Variants in CSMD1 observed in about 807,000 individuals in gnomAD.
The protein encoded by CSMD1 is CUB and Sushi multiple domains 1, also known as CUB and sushi domain-containing protein 1.
CSMD1 carries 213 observed loss-of-function variants against 417.5 expected under a neutral mutation model. The observed-to-expected ratio is 0.51, with a 90% CI of 0.46 to 0.57. CSMD1 has a LOEUF of 0.57. Among genes scored for constraint, CSMD1 ranks in the 20% least tolerant of loss-of-function variants. The pLI is 0.00. For synonymous variants in CSMD1, 2,862 were observed against 1,736.8 expected (o/e 1.65, Z -16.11); for missense variants, 6,923 against 4,529.7 (o/e 1.53, Z -15.17).
intron 3 of CSMD1, among the ~76,000 whole-genome samples, chr8:4,332,588 C>G (rs1352798053): frequency 7.3e-6 from 1 of 136,766 alleles, no homozygotes; most frequent in African/African-American, 2.9e-5. Flanking sequence ...CACACACACA[C>G]ACACACACAC....
chr8:4,056,968 C>G (rs576916601), intron 3 of CSMD1, among the ~76,000 whole-genome samples: 10 of 152,260 alleles, frequency 6.6e-5, no homozygotes, highest in Non-Finnish European at 1.2e-4. Flanking sequence ...CAAGTCTTTG[C>G]TATTGTGAAT....
At chr8:4,903,891 T>C (rs1163103024) in intron 1 of CSMD1, among the ~76,000 whole-genome samples, 2 of 152,244 alleles carry the variant, frequency 1.3e-5, no homozygotes, top group African/African-American at 4.8e-5. Flanking sequence ...TCAACGCCGA[T>C]AATGCATTTA....
At chr8:4,439,851 G>A (rs571650567) in intron 2 of CSMD1, among the ~76,000 whole-genome samples, 4 of 152,114 alleles carry the variant, frequency 2.6e-5, no homozygotes, top group Admixed American at 1.3e-4. Context: ...AGGCAGCTTC[G>A]AAAGATAGGA....
At chr8:4,954,110 C>A (rs897373143) in intron 1 of CSMD1, among the ~76,000 whole-genome samples, 1 of 152,118 alleles carries the variant, frequency 6.6e-6, no homozygotes, top group Non-Finnish European at 1.5e-5. Context: ...AATTTAAACA[C>A]ATTATTTTAT....
intron 4 of CSMD1, among the ~76,000 whole-genome samples, chr8:4,004,597 C>A (rs1225174978): frequency 6.6e-6 from 1 of 150,982 alleles, no homozygotes; most frequent in Non-Finnish European, 1.5e-5. Flanking sequence ...TGGGATTTTC[C>A]TTCTTTCCTT....
intron 8 of CSMD1, among the ~76,000 whole-genome samples, chr8:3,611,166 G>T (rs1427771458): frequency 6.6e-6 from 1 of 151,410 alleles, no homozygotes; most frequent in Non-Finnish European, 1.5e-5. Context: ...ACACCAGCAT[G>T]GCACATGTAT....
At chr8:4,915,396 T>C (rs1430290023) in intron 1 of CSMD1, among the ~76,000 whole-genome samples, 2 of 152,226 alleles carry the variant, frequency 1.3e-5, no homozygotes, top group East Asian at 1.9e-4. Context: ...ATCCGTATTT[T>C]AGATAAGAAA....
chr8:3,448,700 A>G (rs957756736), intron 12 of CSMD1, among the ~76,000 whole-genome samples: 1 of 152,152 alleles, frequency 6.6e-6, no homozygotes, highest in Admixed American at 6.5e-5. Flanking sequence ...GAACTGCAGC[A>G]TCGAGAGTCC....
At chr8:4,941,487 C>A (rs1807996841) in intron 1 of CSMD1, among the ~76,000 whole-genome samples, 1 of 152,104 alleles carries the variant, frequency 6.6e-6, no homozygotes, top group South Asian at 2.1e-4. Flanking sequence ...AAGAATTGAT[C>A]TTCAGAATCA....
chr8:4,197,429 G>C (rs1359256529), intron 3 of CSMD1, among the ~76,000 whole-genome samples: 1 of 152,162 alleles, frequency 6.6e-6, no homozygotes, highest in Non-Finnish European at 1.5e-5. Flanking sequence ...GAGTAAAGCA[G>C]ATTTCCTTCT....
At chr8:3,998,879 T>C (rs761718674) in intron 4 of CSMD1, among the ~76,000 whole-genome samples, 59 of 149,730 alleles carry the variant, frequency 3.9e-4, no homozygotes, top group Non-Finnish European at 6.5e-4. Context: ...AGTTGATATA[T>C]ATAACATATA....
chr8:4,772,276 C>T (rs1057000021), intron 1 of CSMD1, among the ~76,000 whole-genome samples: 3 of 152,200 alleles, frequency 2.0e-5, no homozygotes, highest in Admixed American at 1.3e-4. Context: ...CAACAGTGAA[C>T]CAGTCCTTTA....
chr8:4,460,381 G>T (rs1193879574), intron 2 of CSMD1, among the ~76,000 whole-genome samples: 1 of 151,932 alleles, frequency 6.6e-6, no homozygotes, highest in Non-Finnish European at 1.5e-5. Flanking sequence ...TATTTAAAAA[G>T]AAAAAATCTT....
At chr8:4,276,425 G>A (rs185362106) in intron 3 of CSMD1, among the ~76,000 whole-genome samples, 4 of 152,238 alleles carry the variant, frequency 2.6e-5, no homozygotes, top group African/African-American at 7.2e-5. Context: ...GTTGAACAAT[G>A]AGGACTCATG....
intron 7 of CSMD1, among the ~76,000 whole-genome samples, chr8:3,618,265 A>G (rs912080619): frequency 2.0e-5 from 3 of 152,110 alleles, no homozygotes; most frequent in Admixed American, 6.6e-5. Flanking sequence ...GTGGCCTCCT[A>G]AAGTGTTGGG....
At chr8:4,933,395 C>A (rs1026841972) in intron 1 of CSMD1, among the ~76,000 whole-genome samples, 2 of 152,074 alleles carry the variant, frequency 1.3e-5, no homozygotes, top group African/African-American at 2.4e-5. Flanking sequence ...CGCCATCTGA[C>A]CTTATGGGGA....
Position 4,614,854 on chromosome 8 carries a change from A to G in CSMD1, c.302+22488T>C, listed in dbSNP as rs1217984830. Among the ~76,000 whole-genome samples the G allele has an allele frequency of 2.6e-5, 4 of 152,228 alleles. No individual in the cohort carries two copies. In the East Asian group the frequency reaches 7.7e-4, roughly 29 times the overall value. ...ATTTTTTTAAAAATGAATAATATGA[A>G]AACCTAAAGATATAAAGTATTATTA... On this transcript the variant is annotated intron_variant, in intron 2 of 69. Coordinates refer to ENST00000635120, the MANE Select transcript of CSMD1 (RefSeq NM_033225.6).
chr8:3,957,179 G>A (rs562585236), intron 5 of CSMD1, among the ~76,000 whole-genome samples: 10 of 152,302 alleles, frequency 6.6e-5, no homozygotes, highest in Middle Eastern at 6.8e-3. Context: ...GATCCCTGAT[G>A]TAACTGCAGA....
intron 25 of CSMD1, among the ~76,000 whole-genome samples, chr8:3,305,615 T>C (rs770389857): frequency 6.6e-6 from 1 of 151,982 alleles, no homozygotes; most frequent in African/African-American, 2.4e-5. Context: ...CATCTGCCAA[T>C]GCCATGCCCT....
Sources: allele counts gnomAD v4.1 joint callset (sites outside exome capture counted in the v4.1 genomes callset), GRCh38; gene constraint gnomAD v4.1.1; transcripts MANE v1.5; gene names NCBI Gene and HGNC (gene_info 2026-07-23, HGNC 2026-07-21).